The following TNS3 variants were observed in gnomAD, a reference collection of about 807,000 sequenced individuals.
TNS3 encodes tensin-3.
Under a neutral mutation model 140.9 loss-of-function variants are expected in TNS3, and 45 were observed. That is an observed-to-expected ratio of 0.32 (90% CI 0.25 to 0.41). TNS3 has a LOEUF of 0.41. Among genes scored for constraint, TNS3 ranks in the 10% least tolerant of loss-of-function variants. The pLI is 1.00. For missense variants in TNS3, 1,716 were observed against 1,906.7 expected, an observed-to-expected ratio of 0.90 and a Z score of 1.86; for synonymous variants, 815 against 788.4, an observed-to-expected ratio of 1.03 and a Z score of -0.56.
In TNS3 at chr7:47,370,161, A is replaced by G. The variant is rs1469106719; in HGVS notation, c.1025-540T>C. On this transcript the variant is annotated intron_variant, in intron 16 of 30. Coordinates refer to ENST00000311160, the MANE Select transcript of TNS3 (RefSeq NM_022748.12). ...CGTGGTGGCGCATGCCTGTAGTCCCAGCTACTCGGGAGGCTGAGTCAGGAG... is the reference window on the plus strand; with the variant it reads ...CGTGGTGGCGCATGCCTGTAGTCCCGGCTACTCGGGAGGCTGAGTCAGGAG... Among the ~76,000 whole-genome samples, 6 of 152,184 alleles carry G rather than the reference A, an allele frequency of 3.9e-5. No individual in the cohort carries two copies. In the South Asian group the frequency reaches 6.2e-4, roughly 16 times the overall value.
intron 1 of TNS3, among the ~76,000 whole-genome samples, chr7:47,559,020 C>T (rs1489933010): frequency 6.6e-6 from 1 of 152,214 alleles, no homozygotes. Flanking sequence ...ATAGACCTCC[C>T]ATGTCACTCT....
At chr7:47,546,141 T>G (rs185263977) in intron 1 of TNS3, among the ~76,000 whole-genome samples, 16 of 152,326 alleles carry the variant, frequency 1.1e-4, no homozygotes, top group African/African-American at 3.8e-4. Context: ...ACTCCTCTAC[T>G]CACTGCCTGC....
At chr7:47,478,608 T>C (rs577073818) in intron 4 of TNS3, among the ~76,000 whole-genome samples, 1 of 152,230 alleles carries the variant, frequency 6.6e-6, no homozygotes, top group East Asian at 1.9e-4. Context: ...ATGTGTAACA[T>C]TTATATACAT....
rs141876509 is a variant in TNS3, at chr7:47,445,804, G to A, written c.-75-3749C>T. 7.0e-4 allele frequency among the ~76,000 whole-genome samples: 106 copies of A among 152,268 alleles called. No individual in the cohort carries two copies. In the East Asian group the frequency reaches 0.015, roughly 21 times the overall value. ...GGCCCCATACTGAACTGGAACTGCC[G>A]CCAAGAGTTTCTGAAATACTGTGCT... On this transcript the variant is annotated intron_variant, in intron 4 of 30. Transcript: ENST00000311160.
chr7:47,380,724 C>T (rs1791701397), intron 16 of TNS3, among the ~76,000 whole-genome samples: 1 of 151,890 alleles, frequency 6.6e-6, no homozygotes, highest in Non-Finnish European at 1.5e-5. Flanking sequence ...TGCACACACA[C>T]ACTCACCACA....
In TNS3 at chr7:47,283,895, G is replaced by A. The variant is rs1181786230; in HGVS notation, c.3929-30C>T. On this transcript the variant is annotated intron_variant, in intron 27 of 30. Transcript: ENST00000311160. ...AAGACACCAAGGGAGACACATGTTAGTTGCAACTATTGGGACAGGTGTGTC... is the reference window on the plus strand; with the variant it reads ...AAGACACCAAGGGAGACACATGTTAATTGCAACTATTGGGACAGGTGTGTC... 4.5e-6 allele frequency: 7 copies of A among 1,539,956 alleles called. No individual in the cohort carries two copies. The South Asian group carries it at 9.0e-5, about 20-fold the overall frequency.
intron 16 of TNS3, among the ~76,000 whole-genome samples, chr7:47,386,207 G>A (rs1792059862): frequency 6.6e-6 from 1 of 152,200 alleles, no homozygotes; most frequent in Non-Finnish European, 1.5e-5. Context: ...CTATGTGGAA[G>A]AAAACTTCCT....
chr7:47,565,996 T>C (rs1800421138), intron 1 of TNS3, among the ~76,000 whole-genome samples: 1 of 145,362 alleles, frequency 6.9e-6, no homozygotes, highest in Non-Finnish European at 1.5e-5. Context: ...GACATCTCAA[T>C]TAACAGCTTC....
In TNS3 at chr7:47,559,510, G is replaced by A. The variant is rs77876362; in HGVS notation, c.-265+22541C>T. The stretch of plus-strand genomic sequence containing the variant: ...TTCCAAGAACTTTCTGGTGCAGGGC[G>A]GTGCCTCAGCCTCGTCACATCATCT... On this transcript the variant is annotated intron_variant, in intron 1 of 30. Transcript: ENST00000311160. Among the ~76,000 whole-genome samples the A allele has an allele frequency of 3.5e-4, 53 of 152,232 alleles. 1 individual carries two copies. The East Asian group carries it at 5.4e-3, about 16-fold the overall frequency.
intron 1 of TNS3, among the ~76,000 whole-genome samples, chr7:47,537,509 G>T (rs1044569215): frequency 6.6e-6 from 1 of 152,056 alleles, no homozygotes; most frequent in Non-Finnish European, 1.5e-5. Context: ...CAGGCGGGGG[G>T]AGCAGGATCT....
At chr7:47,290,094 G>T (rs1584322495) in intron 27 of TNS3, among the ~76,000 whole-genome samples, 1 of 152,292 alleles carries the variant, frequency 6.6e-6, no homozygotes, top group East Asian at 1.9e-4. Context: ...ATAGTTAACT[G>T]ATCTTAGACA....
At chr7:47,346,692 G>A (rs1254166741) in intron 17 of TNS3, among the ~76,000 whole-genome samples, 1 of 152,190 alleles carries the variant, frequency 6.6e-6, no homozygotes, top group Non-Finnish European at 1.5e-5. Flanking sequence ...TGCTGGGTGG[G>A]ACTGACGATG....
chr7:47,292,274 AC>A (rs1200337375), intron 26 of TNS3, among the ~76,000 whole-genome samples: 1 of 152,224 alleles, frequency 6.6e-6, no homozygotes, highest in Non-Finnish European at 1.5e-5. Context: ...AGTCATATGA[AC>A]AATGACACTT....
intron 1 of TNS3, among the ~76,000 whole-genome samples, chr7:47,555,966 A>G (rs1412857749): frequency 6.6e-6 from 1 of 152,268 alleles, no homozygotes; most frequent in Non-Finnish European, 1.5e-5. Flanking sequence ...CATGCACATT[A>G]CATGCACATA....
chr7:47,392,528 T>C, intron 16 of TNS3, among the ~76,000 whole-genome samples: 2 of 152,210 alleles, frequency 1.3e-5, no homozygotes, highest in South Asian at 4.2e-4. Flanking sequence ...AGTGCCGCAA[T>C]ACATCATTTT....
In TNS3 at chr7:47,420,941, G is replaced by C. The variant is rs576378972; in HGVS notation, c.473+3160C>G. Among the ~76,000 whole-genome samples the C allele has an allele frequency of 7.9e-5, 12 of 152,244 alleles. 2 individuals carry two copies. The South Asian group carries it at 2.5e-3, about 32-fold the overall frequency. On this transcript the variant is annotated intron_variant, in intron 10 of 30. Coordinates refer to ENST00000311160, the MANE Select transcript of TNS3 (RefSeq NM_022748.12). ...GGACATCCTGATTTCTGTATGCCAA[G>C]ACATTTGTTTGGTCTGTCTTCCCTT...
intron 16 of TNS3, among the ~76,000 whole-genome samples, chr7:47,394,399 G>A (rs1792706295): frequency 6.6e-6 from 1 of 152,216 alleles, no homozygotes; most frequent in South Asian, 2.1e-4. Flanking sequence ...GCAACCAGAT[G>A]ACAGCCCTCA....
At chr7:47,512,095 G>A (rs370455499) in intron 2 of TNS3, among the ~76,000 whole-genome samples, 1 of 152,376 alleles carries the variant, frequency 6.6e-6, no homozygotes, top group African/African-American at 2.4e-5. Context: ...CGACAGAGCA[G>A]GTTAAGCAGT....
rs896789062 is a variant in TNS3 at position 47,435,189 on chromosome 7, C to A, written c.324+93G>T. 3.3e-6 allele frequency: 5 copies of A among 1,535,524 alleles called. No individual in the cohort carries two copies. The Admixed American group carries it at 5.6e-5, about 17-fold the overall frequency. ...AGGAGCACATCGCACCAGCTCAAAG[C>A]GGAAATGTGCTCAGATGCAGCATTG... On this transcript the variant is annotated intron_variant, in intron 8 of 30. Transcript: ENST00000311160.
Sources: gnomAD v4.1 joint callset for allele counts (sites outside exome capture counted in the v4.1 genomes callset) on GRCh38, gnomAD v4.1.1 for gene constraint, MANE v1.5 for transcripts, NCBI Gene and HGNC (gene_info 2026-07-23, HGNC 2026-07-21) for gene names.